NRG1: variants seen among roughly 807,000 people sequenced by gnomAD.
The protein encoded by NRG1 is neuregulin 1.
NRG1 carries 18 observed loss-of-function variants against 63.8 expected under a neutral mutation model. That is an observed-to-expected ratio of 0.28 (90% CI 0.19 to 0.42). The LOEUF (loss-of-function observed/expected upper bound fraction) is 0.42. Ranked by LOEUF, NRG1 falls within the 10% of genes least tolerant of loss-of-function variation. The pLI, the probability that NRG1 is intolerant of heterozygous loss-of-function variation, is 1.00. For synonymous variants in NRG1, 302 were observed against 301.3 expected (o/e 1.00, Z -0.02); for missense variants, 762 against 814.7 (o/e 0.94, Z 0.79).
At chr8:32,724,326 T>TG (rs955515845) in intron 5 of NRG1, among the ~76,000 whole-genome samples, 8 of 152,102 alleles carry the variant, frequency 5.3e-5, no homozygotes, top group African/African-American at 1.4e-4. Context: ...GAACAACTAT[T>TG]GGGGGGTATC....
At chr8:32,332,887 A>G (rs59501354) in intron 1 of NRG1, among the ~76,000 whole-genome samples, 14,546 of 152,230 alleles carry the variant, frequency 0.096, 967 homozygotes, top group African/African-American at 0.18. Context: ...GATTTAAATA[A>G]TACATGCCCA....
intron 7 of NRG1, among the ~76,000 whole-genome samples, chr8:32,747,732 GTATATATATATA>G (rs35663919): frequency 1.5e-5 from 2 of 132,122 alleles, no homozygotes; most frequent in Admixed American, 7.6e-5. Context: ...ATGTGTGTGT[GTATATATATATA>G]TATATATATA....
At chr8:32,066,815 C>T (rs1586854550) in intron 1 of NRG1, among the ~76,000 whole-genome samples, 1 of 152,190 alleles carries the variant, frequency 6.6e-6, no homozygotes, top group African/African-American at 2.4e-5. Context: ...TCTTCCTATC[C>T]ATGAGCATGG....
chr8:32,036,575 G>T (rs1488351308), intron 1 of NRG1, among the ~76,000 whole-genome samples: 1 of 152,088 alleles, frequency 6.6e-6, no homozygotes, highest in Non-Finnish European at 1.5e-5. Flanking sequence ...CCAGTCAGCG[G>T]TAGGTTCAGT....
intron 1 of NRG1, among the ~76,000 whole-genome samples, chr8:31,954,549 G>T (rs939902790): frequency 6.6e-6 from 1 of 152,124 alleles, no homozygotes; most frequent in Non-Finnish European, 1.5e-5. Flanking sequence ...TGTCTGTATA[G>T]CATGGTTAAC....
chr8:32,103,099 A>G lies in NRG1; in HGVS notation c.37+463668A>G, dbSNP rs555863685. Among the ~76,000 whole-genome samples, 145 of 152,268 alleles carry G rather than the reference A, an allele frequency of 9.5e-4. 1 individual carries two copies. The highest frequency in any genetic ancestry group is 3.2e-3 in the African/African-American group (132 of 41,562). ...AATGTACAAATACATTATTTTGGCT[A>G]TAGTCACACTGTCATGCTATTAAAT... is the stretch of plus-strand genomic sequence containing the variant. On this transcript the variant is annotated intron_variant, in intron 1 of 10. Coordinates refer to the NRG1 transcript ENST00000519301.
chr8:32,230,356 G>A (rs992964167), intron 1 of NRG1, among the ~76,000 whole-genome samples: 4 of 152,136 alleles, frequency 2.6e-5, no homozygotes, highest in African/African-American at 9.7e-5. Context: ...AAGTAAGATG[G>A]CTGTTTGGAT....
intron 5 of NRG1, among the ~76,000 whole-genome samples, chr8:32,626,652 C>G (rs775540894): frequency 1.3e-5 from 2 of 151,314 alleles, no homozygotes; most frequent in Non-Finnish European, 2.9e-5. Flanking sequence ...TGCCCTCCAG[C>G]CTGGGCGACA....
chr8:32,120,615 A>G (rs1425644067), intron 1 of NRG1, among the ~76,000 whole-genome samples: 3 of 152,048 alleles, frequency 2.0e-5, no homozygotes, highest in Non-Finnish European at 4.4e-5. Context: ...TGGAATCTCT[A>G]GAAAGAAGTT....
intron 1 of NRG1, among the ~76,000 whole-genome samples, chr8:32,364,075 C>CTTT (rs932903875): frequency 0.017 from 1,115 of 64,784 alleles, no homozygotes; most frequent in East Asian, 0.021. Context: ...TCTGACTAGT[C>CTTT]TTTTTTTTTT....
At chr8:32,019,358 A>C (rs1447991400) in intron 1 of NRG1, among the ~76,000 whole-genome samples, 1 of 152,222 alleles carries the variant, frequency 6.6e-6, no homozygotes, top group Admixed American at 6.5e-5. Context: ...TTGGCCTCCC[A>C]AACAGCAGGG....
At chr8:32,716,834 G>A (rs1354751199) in intron 5 of NRG1, among the ~76,000 whole-genome samples, 1 of 152,000 alleles carries the variant, frequency 6.6e-6, no homozygotes, top group African/African-American at 2.4e-5. Context: ...GTGTGTGTGT[G>A]TGTGTGTGCA....
chr8:32,290,338 CAATT>C (rs1563276108), intron 1 of NRG1, among the ~76,000 whole-genome samples: 1 of 151,656 alleles, frequency 6.6e-6, no homozygotes, highest in African/African-American at 2.4e-5. Flanking sequence ...ATTATGTATA[CAATT>C]ATATATATAT....
intron 1 of NRG1, among the ~76,000 whole-genome samples, chr8:32,039,793 AC>A (rs1819643904): frequency 6.6e-6 from 1 of 151,970 alleles, no homozygotes; most frequent in African/African-American, 2.4e-5. Context: ...CCAAGGCAGG[AC>A]GATCGCTTGA....
At chr8:31,993,251 C>T (rs547400686) in intron 1 of NRG1, among the ~76,000 whole-genome samples, 1 of 151,984 alleles carries the variant, frequency 6.6e-6, no homozygotes, top group Non-Finnish European at 1.5e-5. Context: ...GGGGCCAGAA[C>T]AGCAGAGGAC....
chr8:32,619,156 G>A (rs916740227), intron 5 of NRG1, among the ~76,000 whole-genome samples: 2 of 152,188 alleles, frequency 1.3e-5, no homozygotes, highest in Admixed American at 1.3e-4. Flanking sequence ...TGAGGCTGCA[G>A]TGAGCTGTGA....
Position 32,407,301 on chromosome 8 carries a change from T to TA in NRG1, c.38-188526dup, listed in dbSNP as rs1814182073. ...TATATATATATATATATATTATATA[T>TA]ATATATATATATATATATTATATAT... On this transcript the variant is annotated intron_variant, in intron 1 of 10. Transcript: ENST00000519301. 8.5e-4 allele frequency among the ~76,000 whole-genome samples: 3 copies of TA among 3,510 alleles called. No homozygotes were observed. The South Asian group carries it at 0.079, about 92-fold the overall frequency. 2.3% of individuals were successfully genotyped at this position (3,510 alleles called of 152,430 possible).
At chr8:32,406,890 A>C (rs1032641594) in intron 1 of NRG1, among the ~76,000 whole-genome samples, 4 of 152,094 alleles carry the variant, frequency 2.6e-5, no homozygotes, top group African/African-American at 9.7e-5. Flanking sequence ...GTGGCCAGGG[A>C]TCAAAGGCAA....
intron 1 of NRG1, among the ~76,000 whole-genome samples, chr8:32,214,684 C>A (rs1171094779): frequency 3.3e-5 from 5 of 151,856 alleles, no homozygotes; most frequent in African/African-American, 9.7e-5. Flanking sequence ...AGAGAGAATT[C>A]TTTTTCCTTT....
Sources: gnomAD v4.1 joint callset for allele counts (sites outside exome capture counted in the v4.1 genomes callset) on GRCh38, gnomAD v4.1.1 for gene constraint, MANE v1.5 for transcripts, NCBI Gene and HGNC (gene_info 2026-07-23, HGNC 2026-07-21) for gene names.